Variants in FAM227B observed in about 807,000 individuals in gnomAD.
The protein encoded by FAM227B is family with sequence similarity 227 member B, also known as protein FAM227B.
FAM227B carries 88 observed loss-of-function variants against 73.8 expected under a neutral mutation model. The observed-to-expected ratio is 1.19, with a 90% CI of 1.00 to 1.42. The LOEUF is 1.42. Ranked by LOEUF, FAM227B falls within the 40% of genes most tolerant of loss-of-function variation. FAM227B has a pLI of 0.00. For synonymous variants in FAM227B, 210 were observed against 190.5 expected (o/e 1.10, Z -0.84); for missense variants, 632 against 590.9 (o/e 1.07, Z -0.72).
chr15:49,489,472 T>C (rs1490983459), intron 11 of FAM227B: 3 of 544,414 alleles, frequency 5.5e-6, no homozygotes, highest in African/African-American at 2.1e-5. Context: ...GAACTCCCAA[T>C]GTAGCTGCAA....
At chr15:49,482,250 T>C (rs2056020564) in intron 11 of FAM227B, among the ~76,000 whole-genome samples, 2 of 152,056 alleles carry the variant, frequency 1.3e-5, no homozygotes, top group African/African-American at 4.8e-5. Flanking sequence ...TTTTACTTTA[T>C]TTAGTGTGTC....
At chr15:49,614,225 G>A (rs2078139568) in intron 2 of FAM227B, among the ~76,000 whole-genome samples, 1 of 151,990 alleles carries the variant, frequency 6.6e-6, no homozygotes, top group African/African-American at 2.4e-5. Context: ...TTAAAATAAG[G>A]TAAGGTATAA....
chr15:49,387,814 C>G (rs893507062), intron 11 of FAM227B, among the ~76,000 whole-genome samples: 4 of 151,592 alleles, frequency 2.6e-5, no homozygotes, highest in Admixed American at 1.3e-4. Context: ...ACAACAATAT[C>G]ATTGTTGATG....
chr15:49,614,386 T>A (rs1227256731), intron 2 of FAM227B, among the ~76,000 whole-genome samples: 1 of 152,222 alleles, frequency 6.6e-6, no homozygotes, highest in Non-Finnish European at 1.5e-5. Context: ...CAGGACCAGT[T>A]AAATAACTTG....
intron 13 of FAM227B, among the ~76,000 whole-genome samples, chr15:49,341,832 T>C (rs1298220122): frequency 1.3e-5 from 2 of 152,234 alleles, no homozygotes; most frequent in South Asian, 2.1e-4. Context: ...TTGTTTGATT[T>C]TCATTCAATT....
At chr15:49,534,113 T>A (rs1024677489) in intron 10 of FAM227B, among the ~76,000 whole-genome samples, 1 of 151,828 alleles carries the variant, frequency 6.6e-6, no homozygotes, top group African/African-American at 2.4e-5. Flanking sequence ...TTTGATAGCA[T>A]AACACACTCA....
At chr15:49,565,921 C>T (rs970852334) in intron 9 of FAM227B, among the ~76,000 whole-genome samples, 1 of 152,292 alleles carries the variant, frequency 6.6e-6, no homozygotes, top group Non-Finnish European at 1.5e-5. Context: ...CTAAGGAATA[C>T]TGGCAACCTC....
chr15:49,480,388 A>C (rs1387278146), intron 11 of FAM227B, among the ~76,000 whole-genome samples: 1 of 151,080 alleles, frequency 6.6e-6, no homozygotes, highest in Non-Finnish European at 1.5e-5. Flanking sequence ...GCTCATTGCA[A>C]CCTCTGCCTC....
At chr15:49,440,033 A>G (rs1487734755) in intron 11 of FAM227B, among the ~76,000 whole-genome samples, 1 of 151,798 alleles carries the variant, frequency 6.6e-6, no homozygotes, top group African/African-American at 2.4e-5. Context: ...AAGTTTAAGA[A>G]GCACTGATCT....
At chr15:49,604,221 C>T (rs971705243) in intron 3 of FAM227B, among the ~76,000 whole-genome samples, 4 of 152,090 alleles carry the variant, frequency 2.6e-5, no homozygotes, top group African/African-American at 7.2e-5. Context: ...TTCATTTGAA[C>T]TTGAAGAACT....
intron 11 of FAM227B, among the ~76,000 whole-genome samples, chr15:49,456,245 C>T (rs1018162071): frequency 3.3e-5 from 5 of 151,932 alleles, no homozygotes; most frequent in East Asian, 1.9e-4. Context: ...TGAATTATTA[C>T]CCCAGTTCCC....
At chr15:49,479,597 C>CTTTTTTTTTTTTTTTTTTTTTTTT (rs1567359064) in intron 11 of FAM227B, among the ~76,000 whole-genome samples, 1 of 102,078 alleles carries the variant, frequency 9.8e-6, no homozygotes, top group Non-Finnish European at 1.8e-5. Flanking sequence ...GTTAATACCT[C>CTTTTTTTTTTTTTTTTTTTTTTTT]TGTTTTTTTT....
At chr15:49,526,369 A>G (rs2060204992) in intron 10 of FAM227B, among the ~76,000 whole-genome samples, 1 of 152,138 alleles carries the variant, frequency 6.6e-6, no homozygotes, top group Non-Finnish European at 1.5e-5. Context: ...GACACATAAT[A>G]TACCAAAACA....
chr15:49,369,657 A>T (rs1018187427), intron 12 of FAM227B, among the ~76,000 whole-genome samples: 1 of 152,188 alleles, frequency 6.6e-6, no homozygotes, highest in Non-Finnish European at 1.5e-5. Context: ...CAGGGACTAG[A>T]AACCCACAGG....
chr15:49,431,267 G>A (rs1485339336), intron 11 of FAM227B, among the ~76,000 whole-genome samples: 1 of 151,710 alleles, frequency 6.6e-6, no homozygotes, highest in African/African-American at 2.4e-5. Flanking sequence ...GGAAAATTGT[G>A]TTAAAGAGTC....
intron 11 of FAM227B, chr15:49,422,274 A>C: frequency 6.1e-6 from 1 of 163,328 alleles, no homozygotes. Context: ...CAATTATTCT[A>C]CACCAAGAAT....
intron 3 of FAM227B, among the ~76,000 whole-genome samples, chr15:49,595,926 T>C (rs1442229164): frequency 6.7e-6 from 1 of 149,012 alleles, no homozygotes; most frequent in Non-Finnish European, 1.5e-5. Context: ...AAAGGAAAAA[T>C]AATTTTTTTA....
intron 11 of FAM227B, among the ~76,000 whole-genome samples, chr15:49,499,162 T>C (rs901253467): frequency 1.3e-5 from 1 of 74,078 alleles, no homozygotes; most frequent in Non-Finnish European, 2.4e-5. Flanking sequence ...CGAGACTCCG[T>C]CTCAAAAAAA....
chr15:49,333,356 T>G (rs1038101562), intron 14 of FAM227B, among the ~76,000 whole-genome samples: 1 of 152,198 alleles, frequency 6.6e-6, no homozygotes, highest in Non-Finnish European at 1.5e-5. Context: ...CACGTGAGAT[T>G]TATATATCCA....
Sources: allele counts gnomAD v4.1 joint callset (sites outside exome capture counted in the v4.1 genomes callset), GRCh38; gene constraint gnomAD v4.1.1; transcripts MANE v1.5; gene names NCBI Gene and HGNC (gene_info 2026-07-23, HGNC 2026-07-21).